Variants in KHDRBS2 observed in about 807,000 individuals in gnomAD.
KHDRBS2 encodes the protein KH RNA binding domain containing, signal transduction associated 2.
In KHDRBS2, 26 loss-of-function variants were observed where a neutral mutation model predicts 44.3. That is an observed-to-expected ratio of 0.59 (90% CI 0.43 to 0.81). KHDRBS2 has a LOEUF of 0.81. Ranked by LOEUF, KHDRBS2 falls within the 40% of genes least tolerant of loss-of-function variation. The pLI, the probability that KHDRBS2 is intolerant of heterozygous loss-of-function variation, is 0.00. For synonymous variants in KHDRBS2, 194 were observed against 151.1 expected (o/e 1.28, Z -2.08); for missense variants, 476 against 433.1 (o/e 1.10, Z -0.88).
rs1035816724 is a variant in KHDRBS2, at chr6:62,285,122, C to CA, written c.91+735dup. ...TTAATAAAGTTCATGTGTCTTTTTT[C>CA]AAAAAAAAACCTTTCAAAGCAATGC... On this transcript the variant is annotated intron_variant, in intron 1 of 8. Transcript: ENST00000281156. Among the ~76,000 whole-genome samples the CA allele has an allele frequency of 5.7e-3, 859 of 149,794 alleles. 18 individuals carry two copies. The highest frequency in any genetic ancestry group is 1.0e-3 in the Non-Finnish European group (70 of 67,290).
chr6:62,100,767 C>A (rs1047769293), intron 2 of KHDRBS2, among the ~76,000 whole-genome samples: 1 of 152,056 alleles, frequency 6.6e-6, no homozygotes, highest in Admixed American at 6.6e-5. Flanking sequence ...GTAGCATAAA[C>A]CTAACTTTTA....
chr6:61,775,582 C>A (rs1413415916), intron 6 of KHDRBS2, among the ~76,000 whole-genome samples: 1 of 151,222 alleles, frequency 6.6e-6, no homozygotes, highest in South Asian at 2.1e-4. Context: ...ATCCAACTTA[C>A]AAGGGACGTG....
chr6:61,992,002 A>G (rs1776228500), intron 3 of KHDRBS2, among the ~76,000 whole-genome samples: 1 of 152,210 alleles, frequency 6.6e-6, no homozygotes, highest in South Asian at 2.1e-4. Flanking sequence ...ACTGAGAAGT[A>G]AGCACCATTA....
chr6:61,719,775 T>G (rs1275858357), intron 7 of KHDRBS2, among the ~76,000 whole-genome samples: 4 of 151,920 alleles, frequency 2.6e-5, no homozygotes, highest in African/African-American at 7.3e-5. Context: ...TTTTTTAAAT[T>G]TATTTATTTA....
At chr6:61,769,265 C>T (rs1780461816) in intron 6 of KHDRBS2, among the ~76,000 whole-genome samples, 1 of 152,088 alleles carries the variant, frequency 6.6e-6, no homozygotes, top group African/African-American at 2.4e-5. Flanking sequence ...TTCGGCATTT[C>T]CAACTGAGGT....
the KHDRBS2 span, among the ~76,000 whole-genome samples, chr6:61,637,418 T>C: frequency 6.6e-6 from 1 of 152,196 alleles, no homozygotes; most frequent in Admixed American, 6.6e-5. Flanking sequence ...CACATTTTCT[T>C]AATCCAGTCT....
chr6:61,741,219 C>T (rs1776091513), intron 6 of KHDRBS2, among the ~76,000 whole-genome samples: 2 of 151,180 alleles, frequency 1.3e-5, no homozygotes, highest in Admixed American at 1.3e-4. Flanking sequence ...ACCCCATAGA[C>T]ACAGAATCAA....
intron 2 of KHDRBS2, among the ~76,000 whole-genome samples, chr6:62,107,788 C>T (rs208983): frequency 0.17 from 26,130 of 151,964 alleles, 2,609 homozygotes; most frequent in African/African-American, 0.27. Flanking sequence ...GAAATAATGC[C>T]GCATATCTAC....
intron 6 of KHDRBS2, 56 bp from the exon 7 acceptor site, chr6:61,732,820 G>A: frequency 1.1e-6 from 1 of 926,442 alleles, no homozygotes; most frequent in Admixed American, 1.7e-5. Context: ...ACTTTGATCT[G>A]TTTTCAGTTA....
chr6:61,775,586 G>C (rs1419655116), intron 6 of KHDRBS2, among the ~76,000 whole-genome samples: 1 of 152,090 alleles, frequency 6.6e-6, no homozygotes, highest in African/African-American at 2.4e-5. Flanking sequence ...AACTTACAAG[G>C]GACGTGAAGG....
At chr6:61,968,162 A>T (rs983634016) in intron 4 of KHDRBS2, among the ~76,000 whole-genome samples, 1 of 151,962 alleles carries the variant, frequency 6.6e-6, no homozygotes, top group South Asian at 2.1e-4. Context: ...TTACCATGCC[A>T]GTCCCTCTTT....
intron 7 of KHDRBS2, among the ~76,000 whole-genome samples, chr6:61,710,603 C>G (rs1405140811): frequency 6.6e-6 from 1 of 151,208 alleles, no homozygotes; most frequent in Non-Finnish European, 1.5e-5. Context: ...CTATGGTAAT[C>G]TTTTTCTACA....
chr6:62,125,930 T>C (rs576602311), intron 2 of KHDRBS2, among the ~76,000 whole-genome samples: 1 of 152,040 alleles, frequency 6.6e-6, no homozygotes, highest in Non-Finnish European at 1.5e-5. Flanking sequence ...CTGTGGTGGC[T>C]ACAGAGAGGG....
chr6:62,028,147 C>T (rs920340342), intron 3 of KHDRBS2, among the ~76,000 whole-genome samples: 2 of 151,962 alleles, frequency 1.3e-5, no homozygotes, highest in Admixed American at 1.3e-4. Context: ...CTGCCAGTGT[C>T]AGAGAATCAG....
intron 2 of KHDRBS2, among the ~76,000 whole-genome samples, chr6:62,162,012 T>C (rs1218967331): frequency 2.0e-5 from 3 of 152,116 alleles, no homozygotes; most frequent in Non-Finnish European, 2.9e-5. Context: ...CACTAATCTC[T>C]TTAATTATAT....
intron 2 of KHDRBS2, among the ~76,000 whole-genome samples, chr6:62,129,493 C>T (rs193224641): frequency 7.8e-4 from 118 of 152,160 alleles, no homozygotes; most frequent in East Asian, 6.2e-3. Flanking sequence ...AGCAATAAAA[C>T]GGAACTTAAG....
At chr6:62,106,312 G>C (rs923236595) in intron 2 of KHDRBS2, among the ~76,000 whole-genome samples, 3 of 152,162 alleles carry the variant, frequency 2.0e-5, no homozygotes, top group Non-Finnish European at 4.4e-5. Context: ...GTGCAGAGCT[G>C]AGTTCAATTC....
the KHDRBS2 span, among the ~76,000 whole-genome samples, chr6:61,578,157 G>A: frequency 2.6e-5 from 4 of 152,184 alleles, no homozygotes; most frequent in South Asian, 4.1e-4. Context: ...CAGGGCTGAA[G>A]GGTTGTGGGA....
At chr6:61,651,689 T>C in the KHDRBS2 span, among the ~76,000 whole-genome samples, 1 of 152,152 alleles carries the variant, frequency 6.6e-6, no homozygotes, top group South Asian at 2.1e-4. Context: ...CCAAGCCTTC[T>C]GGCTCACAAT....
Sources: allele counts gnomAD v4.1 joint callset (sites outside exome capture counted in the v4.1 genomes callset), GRCh38; gene constraint gnomAD v4.1.1; transcripts MANE v1.5; gene names NCBI Gene and HGNC (gene_info 2026-07-23, HGNC 2026-07-21).